CDH13: variants seen among roughly 807,000 people sequenced by gnomAD.
CDH13 encodes the protein cadherin 13.
A neutral mutation model predicts 63.8 loss-of-function variants in CDH13; 24 were observed. The observed-to-expected ratio is 0.38, with a 90% confidence interval of 0.27 to 0.53. CDH13 has a LOEUF of 0.53. Among genes scored for constraint, CDH13 ranks in the 20% least tolerant of loss-of-function variants. CDH13 has a pLI of 0.85. For synonymous variants in CDH13, 503 were observed against 355.3 expected, an observed-to-expected ratio of 1.42 and a Z score of -4.67; for missense variants, 1,049 against 903.1, an observed-to-expected ratio of 1.16 and a Z score of -2.07.
intron 6 of CDH13, among the ~76,000 whole-genome samples, chr16:83,384,866 C>T (rs1022080781): frequency 2.0e-5 from 3 of 152,246 alleles, no homozygotes; most frequent in Admixed American, 1.3e-4. Flanking sequence ...ATACAAGTCT[C>T]ATGAGTTGTC....
intron 7 of CDH13, among the ~76,000 whole-genome samples, chr16:83,541,542 A>G (rs2075295901): frequency 6.6e-6 from 1 of 152,314 alleles, no homozygotes; most frequent in East Asian, 1.9e-4. Flanking sequence ...CATGAAACAG[A>G]CAATGGAATT....
chr16:83,253,208 T>G (rs1905795904), intron 5 of CDH13, among the ~76,000 whole-genome samples: 1 of 152,184 alleles, frequency 6.6e-6, no homozygotes, highest in Non-Finnish European at 1.5e-5. Flanking sequence ...GATGGATTTA[T>G]TTTTCTATTT....
At position 83,483,305 on chromosome 16, in the gene CDH13, C is replaced by T. The variant is rs190769407; in HGVS notation, c.782-3172C>T. On this transcript the variant is annotated intron_variant, in intron 6 of 13. Transcript: ENST00000567109. ...AACACGGGGCTTAAGACCGAGTTCA[C>T]CTGTTCCCTAACAATCCATTAAAAT... Among the ~76,000 whole-genome samples the T allele has an allele frequency of 1.4e-4, 22 of 152,266 alleles. 1 individual carries two copies. In the East Asian group the frequency reaches 3.7e-3, roughly 25 times the overall value.
At chr16:82,645,490 AG>A in intron 1 of CDH13, among the ~76,000 whole-genome samples, 1 of 151,618 alleles carries the variant, frequency 6.6e-6, no homozygotes, top group Non-Finnish European at 1.5e-5. Context: ...CAACCTGGGG[AG>A]GGGAGTGGGC....
intron 6 of CDH13, among the ~76,000 whole-genome samples, chr16:83,358,935 C>G (rs1490364445): frequency 2.0e-5 from 3 of 152,132 alleles, no homozygotes; most frequent in Non-Finnish European, 4.4e-5. Flanking sequence ...AGATCACAGT[C>G]TAGTACTAAT....
intron 6 of CDH13, among the ~76,000 whole-genome samples, chr16:83,431,482 G>A (rs879540877): frequency 1.8e-4 from 28 of 152,072 alleles, no homozygotes; most frequent in Admixed American, 1.6e-3. Flanking sequence ...GTATCAGTCC[G>A]TTCTTGCATG....
intron 4 of CDH13, among the ~76,000 whole-genome samples, chr16:83,161,050 A>G (rs1029710195): frequency 1.3e-5 from 2 of 152,216 alleles, no homozygotes; most frequent in Non-Finnish European, 2.9e-5. Flanking sequence ...TAGACTGAGC[A>G]TCAGCATGCC....
rs571416011 is a variant in CDH13, at chr16:83,219,157, T to C, written c.636+1660T>C. Reference sequence around the variant, plus strand: ...AGCTGTGGGACCTTGAGCAACACTCTTACCCTCCCTGATCTTGGGATTCTT... The same window carrying C: ...AGCTGTGGGACCTTGAGCAACACTCCTACCCTCCCTGATCTTGGGATTCTT... On this transcript the variant is annotated intron_variant, in intron 5 of 13. Coordinates refer to ENST00000567109, the MANE Select transcript of CDH13 (RefSeq NM_001257.5). Among the ~76,000 whole-genome samples, 455 of 152,326 alleles carry C rather than the reference T, an allele frequency of 3.0e-3. 10 individuals carry two copies. The highest frequency in any genetic ancestry group is 3.8e-3 in the Non-Finnish European group (256 of 68,040).
intron 5 of CDH13, among the ~76,000 whole-genome samples, chr16:83,268,087 C>G (rs756016750): frequency 1.3e-5 from 2 of 152,152 alleles, no homozygotes; most frequent in Non-Finnish European, 2.9e-5. Context: ...GATACACCTG[C>G]CCCTATGTGC....
chr16:83,719,150 G>T (rs1053332516), intron 10 of CDH13, among the ~76,000 whole-genome samples: 1 of 152,114 alleles, frequency 6.6e-6, no homozygotes, highest in African/African-American at 2.4e-5. Context: ...ACAAATTATT[G>T]CAGAGAGTCC....
At position 82,936,869 on chromosome 16, in the gene CDH13, T is replaced by A. The variant is rs934013343; in HGVS notation, c.157+78396T>A. Among the ~76,000 whole-genome samples, 4 of 152,084 alleles carry A rather than the reference T, an allele frequency of 2.6e-5. No individual in the cohort carries two copies. In the South Asian group the frequency reaches 8.3e-4, roughly 32 times the overall value. On this transcript the variant is annotated intron_variant, in intron 2 of 13. Coordinates refer to ENST00000567109, the MANE Select transcript of CDH13 (RefSeq NM_001257.5). ...CTTCGCCCAACCATTTGCTTGTAGATCTTCATGGACTCCTCCCAGAGTTCA... is the reference window on the plus strand; with the variant it reads ...CTTCGCCCAACCATTTGCTTGTAGAACTTCATGGACTCCTCCCAGAGTTCA...
intron 6 of CDH13, among the ~76,000 whole-genome samples, chr16:83,466,486 G>C (rs1442596542): frequency 1.3e-5 from 2 of 152,232 alleles, no homozygotes; most frequent in African/African-American, 4.8e-5. Flanking sequence ...ACACAGCCTA[G>C]TGGCAGTGGG....
chr16:83,352,089 G>A (rs978536853), intron 6 of CDH13, among the ~76,000 whole-genome samples: 1 of 152,196 alleles, frequency 6.6e-6, no homozygotes, highest in Non-Finnish European at 1.5e-5. Flanking sequence ...GTGCTGCCCA[G>A]GGATGGCATC....
At chr16:82,783,650 C>G (rs2035869347) in intron 1 of CDH13, among the ~76,000 whole-genome samples, 1 of 152,208 alleles carries the variant, frequency 6.6e-6, no homozygotes, top group African/African-American at 2.4e-5. Context: ...AATGGAGTTG[C>G]TTGTTCAATG....
At chr16:82,655,469 A>T (rs546983045) in intron 1 of CDH13, among the ~76,000 whole-genome samples, 1 of 152,272 alleles carries the variant, frequency 6.6e-6, no homozygotes, top group Non-Finnish European at 1.5e-5. Context: ...AAAGTCCTAA[A>T]GCAGGAAATA....
At chr16:83,340,536 C>T (rs933748823) in intron 5 of CDH13, among the ~76,000 whole-genome samples, 1 of 152,166 alleles carries the variant, frequency 6.6e-6, no homozygotes, top group African/African-American at 2.4e-5. Context: ...CTTGGATTTC[C>T]ATCTCCAACC....
chr16:82,661,167 C>T (rs376907006), intron 1 of CDH13, among the ~76,000 whole-genome samples: 4 of 152,174 alleles, frequency 2.6e-5, no homozygotes, highest in Admixed American at 6.5e-5. Flanking sequence ...ATGGAGCAAA[C>T]GGCTCATTGT....
At chr16:83,599,168 T>C (rs1487058892) in intron 7 of CDH13, among the ~76,000 whole-genome samples, 1 of 152,230 alleles carries the variant, frequency 6.6e-6, no homozygotes, top group Non-Finnish European at 1.5e-5. Flanking sequence ...AGCAGCATAC[T>C]CCTGCTATAG....
chr16:82,920,637 G>T (rs192930472), intron 2 of CDH13, among the ~76,000 whole-genome samples: 287 of 152,308 alleles, frequency 1.9e-3, no homozygotes, highest in African/African-American at 6.5e-3. Context: ...ACTGTGGATG[G>T]TGCTGGTCAG....
Sources: allele counts gnomAD v4.1 joint callset (sites outside exome capture counted in the v4.1 genomes callset), GRCh38; gene constraint gnomAD v4.1.1; transcripts MANE v1.5; gene names NCBI Gene and HGNC (gene_info 2026-07-23, HGNC 2026-07-21).